Variants in CDC42BPB observed in about 807,000 individuals in gnomAD.
CDC42BPB encodes serine/threonine-protein kinase MRCK beta.
Under a neutral mutation model 214.9 loss-of-function variants are expected in CDC42BPB, and 37 were observed. That is an observed-to-expected ratio of 0.17 (90% CI 0.13 to 0.23). The LOEUF is 0.23. Ranked by LOEUF, CDC42BPB falls within the 10% of genes least tolerant of loss-of-function variation. The probability of loss-of-function intolerance (pLI) is 1.00; values close to 1 mark genes in which losing one functional copy is unlikely to be tolerated. For missense variants in CDC42BPB, 1,694 were observed against 2,227.0 expected (o/e 0.76, Z 4.82); for synonymous variants, 931 against 884.0 (o/e 1.05, Z -0.94).
rs144182293 is a variant in CDC42BPB at position 102,992,038 on chromosome 14, G to T, written c.597-5458C>A. Among the ~76,000 whole-genome samples the T allele has an allele frequency of 9.1e-4, 138 of 152,290 alleles. 1 individual carries two copies. In the East Asian group the frequency reaches 0.025, roughly 28 times the overall value. On this transcript the variant is annotated intron_variant, in intron 5 of 36. Coordinates refer to ENST00000361246, the MANE Select transcript of CDC42BPB (RefSeq NM_006035.4). The stretch of plus-strand genomic sequence containing the variant: ...TGCTCATGAGCCACATGTGGCTGGG[G>T]CTACCGTATTGAGCAGTGCACATCT...
rs1893977949 is a variant in CDC42BPB, at chr14:102,981,089, T to C, written c.892-68A>G. On this transcript the variant is annotated intron_variant, in intron 7 of 36. Coordinates refer to ENST00000361246, the MANE Select transcript of CDC42BPB (RefSeq NM_006035.4). Reference sequence around the variant, plus strand: ...TCAGAGAGTTTAAGGTGTACAGATATGATAGGAAACAAAGTAGAAATGGTA... The same window carrying C: ...TCAGAGAGTTTAAGGTGTACAGATACGATAGGAAACAAAGTAGAAATGGTA... 4 of 1,591,046 alleles carry C rather than the reference T, an allele frequency of 2.5e-6. No individual in the cohort carries two copies. The South Asian group carries it at 3.4e-5, about 14-fold the overall frequency.
At chr14:103,016,446 A>G (rs1038359915) in intron 1 of CDC42BPB, among the ~76,000 whole-genome samples, 8 of 132,154 alleles carry the variant, frequency 6.1e-5, no homozygotes, top group Non-Finnish European at 1.3e-4. Flanking sequence ...TGTGGGGTGG[A>G]GTGAGGAGGA....
intron 6 of CDC42BPB, among the ~76,000 whole-genome samples, chr14:102,985,448 T>A (rs1894202443): frequency 6.6e-6 from 1 of 151,872 alleles, no homozygotes; most frequent in Admixed American, 6.6e-5. Context: ...GACAGGGTGG[T>A]GTGGAGGTGT....
In CDC42BPB at chr14:102,993,717, T is replaced by C. The variant is rs574078852; in HGVS notation, c.596+5848A>G. 3.9e-5 allele frequency among the ~76,000 whole-genome samples: 6 copies of C among 152,282 alleles called. 1 individual carries two copies. In the South Asian group the frequency reaches 1.2e-3, roughly 32 times the overall value. On this transcript the variant is annotated intron_variant, in intron 5 of 36. Coordinates refer to ENST00000361246, the MANE Select transcript of CDC42BPB (RefSeq NM_006035.4). ...CACTCCCTTCTGTGAGTCACCCATGTAAATAAAAGATGACCAGTTTTATGA... is the reference window on the plus strand; with the variant it reads ...CACTCCCTTCTGTGAGTCACCCATGCAAATAAAAGATGACCAGTTTTATGA...
intron 1 of CDC42BPB, among the ~76,000 whole-genome samples, chr14:103,050,754 CT>C (rs146021218): frequency 0.015 from 2,290 of 149,712 alleles, 20 homozygotes; most frequent in Non-Finnish European, 0.021. Context: ...AAGACCCTGT[CT>C]TGGGGGGAAA....
chr14:102,938,180 G>T lies in CDC42BPB; in HGVS notation c.4934-6C>A, dbSNP rs762059930. The stretch of plus-strand genomic sequence containing the variant: ...CACGCTAGGCTCCGATCCACCTACA[G>T]AACAAGGACAGCTTTCCTCTTAGGG... On this transcript the variant is annotated splice_polypyrimidine_tract_variant and splice_region_variant and intron_variant, in intron 35 of 36. Coordinates refer to ENST00000361246, the MANE Select transcript of CDC42BPB (RefSeq NM_006035.4). The T allele has an allele frequency of 1.2e-6, 2 of 1,613,028 alleles. No individual in the cohort carries two copies. The highest frequency in any genetic ancestry group is 1.7e-6 in the Non-Finnish European group (2 of 1,179,680).
At position 102,997,562 on chromosome 14, in the gene CDC42BPB, G is replaced by A. The variant is rs528908908; in HGVS notation, c.596+2003C>T. Among the ~76,000 whole-genome samples, 9 of 152,326 alleles carry A rather than the reference G, an allele frequency of 5.9e-5. No individual in the cohort carries two copies. In the East Asian group the frequency reaches 9.7e-4, roughly 16 times the overall value. ...TGAGGAACCAACGTGGAAGAGAGGA[G>A]GGGAACGATGGAAGGGACAGCGCCA... On this transcript the variant is annotated intron_variant, in intron 5 of 36. Transcript: ENST00000361246.
chr14:103,036,940 C>G (rs1202033318), intron 1 of CDC42BPB, among the ~76,000 whole-genome samples: 3 of 152,070 alleles, frequency 2.0e-5, no homozygotes, highest in African/African-American at 7.2e-5. Flanking sequence ...CCTCAGCCTC[C>G]TGAGTAGCTA....
At position 102,975,050 on chromosome 14, in the gene CDC42BPB, C is replaced by T. The variant is rs34651106; in HGVS notation, c.1507+634G>A. 1.9e-3 allele frequency among the ~76,000 whole-genome samples: 295 copies of T among 152,330 alleles called. 5 individuals are homozygous for T. In the East Asian group the frequency reaches 0.037, roughly 19 times the overall value. On this transcript the variant is annotated intron_variant, in intron 11 of 36. Coordinates refer to ENST00000361246, the MANE Select transcript of CDC42BPB (RefSeq NM_006035.4). ...GTGGTGACAGCAGGTCTAGCACCTA[C>T]AACACCAAGGAGCAGGCAGAGTCAC...
intron 1 of CDC42BPB, among the ~76,000 whole-genome samples, chr14:103,054,586 TTAA>T (rs1389400922): frequency 6.6e-6 from 1 of 152,242 alleles, no homozygotes; most frequent in Admixed American, 6.5e-5. Flanking sequence ...TGCACACATG[TTAA>T]CTAGAAATAC....
In CDC42BPB at chr14:102,974,053, T is replaced by C; in HGVS notation, c.1604A>G (p.His535Arg). The C allele has an allele frequency of 6.2e-7, 1 of 1,613,754 alleles. No individual in the cohort carries two copies. Among genetic ancestry groups the C allele is most frequent in the Non-Finnish European group, 8.5e-7 (1 of 1,179,778 alleles). The change falls in exon 12 of 37, where the codon CAC (histidine) becomes CGC (arginine). Residue 535 changes from histidine to arginine, a missense_variant. By Grantham distance (29) the His-to-Arg change is conservative (BLOSUM62 0). This residue lies in a region of CDC42BPB where 462 missense variants were observed against 513.5 expected (regional missense o/e 0.90). Coordinates refer to ENST00000361246, the MANE Select transcript of CDC42BPB (RefSeq NM_006035.4). Reference sequence around the variant, plus strand: ...CTCCTTCTCCTGCCGGACCACGCGGTGCTGCTTCTCCAGCCCCCGCAGCCG... The same window carrying C: ...CTCCTTCTCCTGCCGGACCACGCGGCGCTGCTTCTCCAGCCCCCGCAGCCG... ...TQRLRGLEKQHRVVRQEKEEL... is the reference protein window; with the variant it reads ...TQRLRGLEKQRRVVRQEKEEL...
At chr14:103,008,423 C>G (rs187261545) in intron 3 of CDC42BPB, 49 bp downstream of exon 3, 74 of 1,223,952 alleles carry the variant, frequency 6.0e-5, no homozygotes, top group Non-Finnish European at 8.9e-5. Flanking sequence ...CAGTCACTTT[C>G]TGCTCACCCC....
intron 1 of CDC42BPB, among the ~76,000 whole-genome samples, chr14:103,012,942 G>T (rs933976827): frequency 5.3e-4 from 80 of 152,362 alleles, no homozygotes; most frequent in Non-Finnish European, 1.0e-3. Flanking sequence ...GTGTGGAGTA[G>T]GTTTTGCCAT....
intron 36 of CDC42BPB, among the ~76,000 whole-genome samples, chr14:102,936,448 C>T (rs778279258): frequency 5.3e-5 from 8 of 152,122 alleles, no homozygotes; most frequent in Non-Finnish European, 1.2e-4. Context: ...TGCTACACAA[C>T]GGGGGTGAGC....
intron 1 of CDC42BPB, among the ~76,000 whole-genome samples, chr14:103,013,850 C>A (rs1361459198): frequency 6.6e-6 from 1 of 152,154 alleles, no homozygotes; most frequent in Non-Finnish European, 1.5e-5. Context: ...CACTTTGTGG[C>A]AACTGGTTAC....
chr14:102,978,884 G>C (rs988566997), intron 8 of CDC42BPB, among the ~76,000 whole-genome samples: 2 of 152,136 alleles, frequency 1.3e-5, no homozygotes, highest in African/African-American at 4.8e-5. Context: ...GCACGTGCCT[G>C]TAATCCCAGC....
intron 1 of CDC42BPB, among the ~76,000 whole-genome samples, chr14:103,024,605 T>C (rs1231558989): frequency 6.6e-6 from 1 of 152,234 alleles, no homozygotes; most frequent in East Asian, 1.9e-4. Flanking sequence ...GCTTATAACA[T>C]AGTCCTTCCT....
At chr14:103,007,860 G>A (rs1180747218) in intron 3 of CDC42BPB, among the ~76,000 whole-genome samples, 1 of 152,224 alleles carries the variant, frequency 6.6e-6, no homozygotes, top group Non-Finnish European at 1.5e-5. Context: ...AGACAACAGG[G>A]CGGGTGAGGA....
At chr14:103,042,694 A>C (rs957118775) in intron 1 of CDC42BPB, among the ~76,000 whole-genome samples, 4 of 152,238 alleles carry the variant, frequency 2.6e-5, no homozygotes, top group Admixed American at 2.6e-4. Context: ...TTAACACATG[A>C]AAAGATGTTC....
Sources: gnomAD v4.1 joint callset for allele counts (sites outside exome capture counted in the v4.1 genomes callset) on GRCh38, gnomAD v4.1.1 for gene constraint, gnomAD v4.1.1 regional missense constraint, MANE v1.5 for transcripts, NCBI Gene and HGNC (gene_info 2026-07-23, HGNC 2026-07-21) for gene names.